RASA1: variants seen among roughly 807,000 people sequenced by gnomAD.
RASA1 encodes ras GTPase-activating protein 1.
In RASA1, 25 loss-of-function variants were observed where a neutral mutation model predicts 132.2. The ratio of observed to expected loss-of-function variants is 0.19; its 90% confidence interval spans 0.14 to 0.26. The LOEUF (loss-of-function observed/expected upper bound fraction) is 0.26. Ranked by LOEUF, RASA1 falls within the 10% of genes least tolerant of loss-of-function variation. RASA1 has a pLI of 1.00. For missense variants in RASA1, 964 were observed against 1,299.2 expected (o/e 0.74, Z 3.97); for synonymous variants, 477 against 449.9 (o/e 1.06, Z -0.76).
At chr5:87,371,875 T>C (rs1292188621) in intron 12 of RASA1, among the ~76,000 whole-genome samples, 1 of 152,184 alleles carries the variant, frequency 6.6e-6, no homozygotes, top group Non-Finnish European at 1.5e-5. Flanking sequence ...ATGTGTTTCA[T>C]ACATAAATTC....
At chr5:87,356,007 C>T (rs144587047) in intron 9 of RASA1, among the ~76,000 whole-genome samples, 27 of 152,262 alleles carry the variant, frequency 1.8e-4, no homozygotes, top group Non-Finnish European at 2.6e-4. Context: ...TTGCTTGTTA[C>T]GGATGAGAAA....
At chr5:87,317,773 T>C (rs1459876537) in intron 1 of RASA1, among the ~76,000 whole-genome samples, 1 of 151,964 alleles carries the variant, frequency 6.6e-6, no homozygotes, top group Non-Finnish European at 1.5e-5. Context: ...GTAGCTGTGA[T>C]TACAGGCGCA....
chr5:87,313,418 G>C (rs566620193), intron 1 of RASA1, among the ~76,000 whole-genome samples: 3 of 152,250 alleles, frequency 2.0e-5, no homozygotes, highest in African/African-American at 7.2e-5. Context: ...GAAATAGCTT[G>C]AATGGGAGAG....
At chr5:87,389,823 T>C (rs915088128) in intron 24 of RASA1, among the ~76,000 whole-genome samples, 5 of 152,182 alleles carry the variant, frequency 3.3e-5, no homozygotes, top group African/African-American at 4.8e-5. Flanking sequence ...TAAGTCAATA[T>C]TGATTTTATT....
intron 8 of RASA1, among the ~76,000 whole-genome samples, chr5:87,351,721 T>C (rs1283715304): frequency 2.0e-5 from 3 of 151,740 alleles, no homozygotes; most frequent in East Asian, 1.9e-4. Flanking sequence ...AGAGTATAAA[T>C]GGAAGAGTAA....
intron 1 of RASA1, among the ~76,000 whole-genome samples, chr5:87,327,027 A>G (rs1014618389): frequency 3.9e-5 from 6 of 152,226 alleles, no homozygotes; most frequent in Non-Finnish European, 8.8e-5. Context: ...TTTATTAATC[A>G]GTCCCATATC....
chr5:87,373,302 T>C (rs1426571089), intron 13 of RASA1, among the ~76,000 whole-genome samples: 4 of 152,062 alleles, frequency 2.6e-5, no homozygotes, highest in African/African-American at 9.7e-5. Flanking sequence ...AGCATTCACA[T>C]TGTATTAGGT....
chr5:87,351,621 A>G (rs755598564), intron 8 of RASA1, among the ~76,000 whole-genome samples: 16 of 151,796 alleles, frequency 1.1e-4, no homozygotes, highest in Admixed American at 2.0e-4. Context: ...CTGAGATGTA[A>G]ATCTGTCTGA....
chr5:87,386,002 G>C (rs1265775078), intron 22 of RASA1, among the ~76,000 whole-genome samples: 1 of 151,944 alleles, frequency 6.6e-6, no homozygotes, highest in African/African-American at 2.4e-5. Context: ...AAATCACTAA[G>C]TAAATACGTT....
chr5:87,307,931 G>A (rs1682497226), intron 1 of RASA1, among the ~76,000 whole-genome samples: 1 of 152,152 alleles, frequency 6.6e-6, no homozygotes, highest in African/African-American at 2.4e-5. Context: ...AGCCACTCCT[G>A]TGTTAGGCAG....
At chr5:87,298,861 T>A (rs1271243570) in intron 1 of RASA1, among the ~76,000 whole-genome samples, 1 of 152,206 alleles carries the variant, frequency 6.6e-6, no homozygotes, top group East Asian at 1.9e-4. Context: ...AGCTGTTTTA[T>A]AAGCATGGCA....
chr5:87,268,683 G>A lies in RASA1; in HGVS notation c.232G>A (p.Ala78Thr). The A allele has an allele frequency of 1.2e-6, 2 of 1,611,684 alleles. No individual in the cohort carries two copies. Among genetic ancestry groups the A allele is most frequent in the Non-Finnish European group, 8.5e-7 (1 of 1,179,042 alleles). ...GSEFLGAGSV[A>T]GALGGAGLTG... is the part of the protein sequence containing the mutation. ...AGAGTTCCTAGGAGCCGGGTCTGTG[G>A]CAGGGGCACTGGGGGGAGCTGGACT... is the stretch of plus-strand genomic sequence containing the variant. The change falls in exon 1 of 25, where the codon GCA (alanine) becomes ACA (threonine). Residue 78 changes from alanine to threonine, a missense_variant. By Grantham distance (58) the Ala-to-Thr change is moderately conservative. Around this residue, in one of 6 missense-constraint regions of RASA1, gnomAD observed 326 missense variants for 275.8 expected, o/e 1.18. Transcript: ENST00000274376.
intron 4 of RASA1, among the ~76,000 whole-genome samples, chr5:87,334,994 TG>T (rs1463108841): frequency 1.3e-5 from 2 of 152,144 alleles, no homozygotes; most frequent in Non-Finnish European, 2.9e-5. Flanking sequence ...AGGGATTCTT[TG>T]CCTCGGTCTT....
chr5:87,287,920 C>A, intron 1 of RASA1, among the ~76,000 whole-genome samples: 1 of 109,390 alleles, frequency 9.1e-6, no homozygotes, highest in Non-Finnish European at 1.9e-5. Flanking sequence ...ATATATATAC[C>A]ATATATACAC....
chr5:87,385,569 T>C (rs1762007708), intron 22 of RASA1, among the ~76,000 whole-genome samples, 180 bp downstream of exon 22: 2 of 152,110 alleles, frequency 1.3e-5, no homozygotes, highest in South Asian at 4.1e-4. Flanking sequence ...ATAGTGGAAC[T>C]TTAAAAAACA....
chr5:87,373,517 G>A (rs886249230), intron 13 of RASA1, among the ~76,000 whole-genome samples: 10 of 152,056 alleles, frequency 6.6e-5, no homozygotes, highest in African/African-American at 2.2e-4. Flanking sequence ...CTGTAGTGTA[G>A]ACTTTATACT....
At chr5:87,370,959 T>G (rs1161117803) in intron 12 of RASA1, among the ~76,000 whole-genome samples, 1 of 152,166 alleles carries the variant, frequency 6.6e-6, no homozygotes, top group African/African-American at 2.4e-5. Context: ...GTAATGCACA[T>G]AAAATTTTAC....
At chr5:87,322,398 G>A (rs1756892180) in intron 1 of RASA1, among the ~76,000 whole-genome samples, 1 of 152,174 alleles carries the variant, frequency 6.6e-6, no homozygotes, top group Non-Finnish European at 1.5e-5. Context: ...GAATCTAATG[G>A]TTGATGATCT....
At chr5:87,274,295 C>T (rs947870841) in intron 1 of RASA1, among the ~76,000 whole-genome samples, 4 of 152,030 alleles carry the variant, frequency 2.6e-5, no homozygotes, top group Admixed American at 2.6e-4. Context: ...TAGTACCTTT[C>T]TTTTTTAAAA....
Sources: gnomAD v4.1 joint callset for allele counts (sites outside exome capture counted in the v4.1 genomes callset) on GRCh38, gnomAD v4.1.1 for gene constraint, gnomAD v4.1.1 regional missense constraint, MANE v1.5 for transcripts, NCBI Gene and HGNC (gene_info 2026-07-23, HGNC 2026-07-21) for gene names.